PAPPA: variants seen among roughly 807,000 people sequenced by gnomAD.
PAPPA encodes pappalysin-1.
In PAPPA, 60 loss-of-function variants were observed where a neutral mutation model predicts 164.0. The observed-to-expected ratio is 0.37, with a 90% CI of 0.30 to 0.45. The LOEUF (loss-of-function observed/expected upper bound fraction) is 0.45, where lower values mean the gene tolerates loss of function less well. PAPPA is among the 20% of genes least tolerant of loss of function. The probability of loss-of-function intolerance (pLI) is 1.00; values close to 1 mark genes in which losing one functional copy is unlikely to be tolerated. For synonymous variants in PAPPA, 875 were observed against 814.1 expected, an observed-to-expected ratio of 1.07 and a Z score of -1.27; for missense variants, 1,782 against 2,087.3, an observed-to-expected ratio of 0.85 and a Z score of 2.85.
intron 9 of PAPPA, among the ~76,000 whole-genome samples, chr9:116,281,224 C>A (rs1845262354): frequency 6.6e-6 from 1 of 152,048 alleles, no homozygotes. Flanking sequence ...GGTCCAGAGA[C>A]CAATGCTTCG....
At chr9:116,257,788 C>T (rs1369081026) in intron 7 of PAPPA, among the ~76,000 whole-genome samples, 2 of 151,916 alleles carry the variant, frequency 1.3e-5, no homozygotes, top group African/African-American at 4.8e-5. Flanking sequence ...AGAAAAATTA[C>T]TAAGAATCAA....
chr9:116,375,018 A>G (rs1184136894), intron 19 of PAPPA, among the ~76,000 whole-genome samples: 1 of 152,260 alleles, frequency 6.6e-6, no homozygotes, highest in African/African-American at 2.4e-5. Flanking sequence ...AGAAGTGTCT[A>G]TAACTCAGGA....
intron 10 of PAPPA, among the ~76,000 whole-genome samples, chr9:116,308,288 A>G (rs1587997037): frequency 6.6e-6 from 1 of 152,198 alleles, no homozygotes; most frequent in Non-Finnish European, 1.5e-5. Flanking sequence ...CGAGGAAGAA[A>G]CCACACTGCT....
At chr9:116,390,806 T>C (rs1302357136) in intron 21 of PAPPA, among the ~76,000 whole-genome samples, 1 of 152,138 alleles carries the variant, frequency 6.6e-6, no homozygotes, top group Non-Finnish European at 1.5e-5. Flanking sequence ...CAAAAACTTA[T>C]CAGCATCATT....
chr9:116,170,180 G>A (rs989280461), intron 1 of PAPPA, among the ~76,000 whole-genome samples: 1 of 152,162 alleles, frequency 6.6e-6, no homozygotes, highest in Non-Finnish European at 1.5e-5. Context: ...AAAACTGGGG[G>A]CATACCAGGT....
chr9:116,205,294 C>T (rs1024133616), intron 2 of PAPPA, among the ~76,000 whole-genome samples: 15 of 152,186 alleles, frequency 9.9e-5, no homozygotes, highest in African/African-American at 3.6e-4. Context: ...GCAATTACCA[C>T]TGAATAAACA....
In PAPPA at chr9:116,362,610, A is replaced by G. The variant is rs371946721; in HGVS notation, c.4366A>G (p.Ile1456Val). 8.7e-6 allele frequency: 14 copies of G among 1,613,806 alleles called. No individual in the cohort carries two copies. The highest frequency in any genetic ancestry group is 1.1e-5 in the Non-Finnish European group (13 of 1,179,916). ...TGTTCAGGGACTTGGGAGCAATGTC[A>G]TTCATTGCCGGAAAGATGGCACCTG... Reference protein sequence around the residue: ...DASQGLGSNVIHCRKDGTWNG... With the variant: ...DASQGLGSNVVHCRKDGTWNG... The change falls in exon 18 of 22, where the codon ATT becomes GTT. Residue 1456 changes from isoleucine to valine, a missense_variant. Around this residue, in one of 2 missense-constraint regions of PAPPA, gnomAD observed 1,324 missense variants for 1,656.9 expected, o/e 0.80. Coordinates refer to ENST00000328252, the MANE Select transcript of PAPPA (RefSeq NM_002581.5).
intron 5 of PAPPA, among the ~76,000 whole-genome samples, chr9:116,226,013 A>C (rs1277253284): frequency 6.6e-6 from 1 of 152,214 alleles, no homozygotes; most frequent in Admixed American, 6.5e-5. Flanking sequence ...GCATGTCAAA[A>C]AAAGTTTTCA....
In PAPPA at chr9:116,267,361, A is replaced by G. The variant is rs553808927; in HGVS notation, c.2861+1376A>G. On this transcript the variant is annotated intron_variant, in intron 8 of 21. Coordinates refer to ENST00000328252, the MANE Select transcript of PAPPA (RefSeq NM_002581.5). ...GGCATATAAATACTCATCCACATAG[A>G]CATCAGTTATTTGCCAGCAGTGTTC... is the stretch of plus-strand genomic sequence containing the variant. Among the ~76,000 whole-genome samples the G allele has an allele frequency of 5.2e-5, 8 of 152,382 alleles. No homozygotes were observed. In the East Asian group the frequency reaches 1.5e-3, roughly 29 times the overall value.
At chr9:116,381,913 G>T (rs1483973594) in intron 20 of PAPPA, among the ~76,000 whole-genome samples, 3 of 152,146 alleles carry the variant, frequency 2.0e-5, no homozygotes, top group African/African-American at 7.2e-5. Flanking sequence ...ATTCCTATGA[G>T]TTCTTACATT....
At chr9:116,232,889 A>C (rs975717072) in intron 6 of PAPPA, among the ~76,000 whole-genome samples, 11 of 152,202 alleles carry the variant, frequency 7.2e-5, no homozygotes, top group Non-Finnish European at 1.5e-4. Context: ...TCTGTTGATT[A>C]ACAAGAAACT....
intron 5 of PAPPA, among the ~76,000 whole-genome samples, chr9:116,225,339 T>C (rs545154790): frequency 6.6e-6 from 1 of 152,216 alleles, no homozygotes; most frequent in African/African-American, 2.4e-5. Context: ...GTATAATTGT[T>C]ATTATTGCTA....
At chr9:116,388,615 ATGT>A (rs1284722305) in intron 21 of PAPPA, among the ~76,000 whole-genome samples, 1 of 152,134 alleles carries the variant, frequency 6.6e-6, no homozygotes, top group Non-Finnish European at 1.5e-5. Flanking sequence ...TTGGGTTTTT[ATGT>A]TTTGATATTT....
chr9:116,181,332 C>G (rs1248034534), intron 1 of PAPPA, among the ~76,000 whole-genome samples: 2 of 143,652 alleles, frequency 1.4e-5, no homozygotes, highest in Non-Finnish European at 2.9e-5. Flanking sequence ...ACCTCTCTCT[C>G]TCTCTCTTTC....
chr9:116,270,722 G>A (rs1310279181), intron 8 of PAPPA, among the ~76,000 whole-genome samples: 3 of 152,120 alleles, frequency 2.0e-5, no homozygotes, highest in African/African-American at 7.2e-5. Context: ...AACAAAGGGG[G>A]CATTAGTATT....
chr9:116,207,404 C>T, intron 2 of PAPPA, 52 bp from the exon 3 acceptor site: 1 of 620,136 alleles, frequency 1.6e-6, no homozygotes, highest in South Asian at 3.8e-5. Context: ...TGGAGAGGGC[C>T]TGTTATCTTT....
chr9:116,196,987 T>G (rs926602475), intron 2 of PAPPA, among the ~76,000 whole-genome samples: 2 of 152,202 alleles, frequency 1.3e-5, no homozygotes, highest in African/African-American at 4.8e-5. Flanking sequence ...GTAAGAGAGA[T>G]GCAAAGGAGG....
chr9:116,311,928 C>T (rs1845722882), intron 10 of PAPPA, among the ~76,000 whole-genome samples: 1 of 152,186 alleles, frequency 6.6e-6, no homozygotes, highest in Admixed American at 6.5e-5. Flanking sequence ...GGGAAGGTGC[C>T]ACGTGGAACG....
intron 20 of PAPPA, among the ~76,000 whole-genome samples, chr9:116,381,782 C>G (rs2118699202): frequency 6.6e-6 from 1 of 152,266 alleles, no homozygotes; most frequent in South Asian, 2.1e-4. Flanking sequence ...AAACCAATAC[C>G]TACCTCACTT....
Sources: gnomAD v4.1 joint callset for allele counts (sites outside exome capture counted in the v4.1 genomes callset) on GRCh38, gnomAD v4.1.1 for gene constraint, gnomAD v4.1.1 regional missense constraint, MANE v1.5 for transcripts, NCBI Gene and HGNC (gene_info 2026-07-23, HGNC 2026-07-21) for gene names.